PDE4D: variants seen among roughly 807,000 people sequenced by gnomAD.
PDE4D encodes phosphodiesterase 4D.
PDE4D carries 24 observed loss-of-function variants against 87.4 expected under a neutral mutation model. The ratio of observed to expected loss-of-function variants is 0.27; its 90% confidence interval spans 0.20 to 0.39. PDE4D has a LOEUF of 0.39. PDE4D is among the 10% of genes least tolerant of loss of function. PDE4D has a pLI of 1.00. For synonymous variants in PDE4D, 384 were observed against 383.2 expected, an observed-to-expected ratio of 1.00 and a Z score of -0.02; for missense variants, 714 against 1,041.0, an observed-to-expected ratio of 0.69 and a Z score of 4.32.
At chr5:60,244,425 T>G (rs1388554292) in intron 1 of PDE4D, among the ~76,000 whole-genome samples, 1 of 151,960 alleles carries the variant, frequency 6.6e-6, no homozygotes, top group African/African-American at 2.4e-5. Context: ...CTGATGACAT[T>G]CTTTACAGAA....
Position 60,123,330 on chromosome 5 carries a change from C to T in PDE4D, c.42+62227G>A, listed in dbSNP as rs535012636. 3.5e-4 allele frequency among the ~76,000 whole-genome samples: 54 copies of T among 152,204 alleles called. 2 individuals are homozygous for T. In the South Asian group the frequency reaches 8.3e-3, roughly 23 times the overall value. On this transcript the variant is annotated intron_variant, in intron 2 of 16. Coordinates refer to the PDE4D transcript ENST00000502484. ...TTCACATTGCTTATAAAGACATACCCGAGACTGGGAAGAAAAAGTGGTTTA... is the reference window on the plus strand; with the variant it reads ...TTCACATTGCTTATAAAGACATACCTGAGACTGGGAAGAAAAAGTGGTTTA...
intron 1 of PDE4D, among the ~76,000 whole-genome samples, chr5:60,354,182 AG>A (rs1156491138): frequency 6.6e-6 from 1 of 152,156 alleles, no homozygotes; most frequent in African/African-American, 2.4e-5. Context: ...GGGGGAAAGG[AG>A]GTATATTTGA....
chr5:60,361,428 A>C (rs1228896889), intron 1 of PDE4D, among the ~76,000 whole-genome samples: 2 of 152,258 alleles, frequency 1.3e-5, no homozygotes, highest in Non-Finnish European at 2.9e-5. Context: ...ATCAATGGTA[A>C]CTACATGAGG....
chr5:59,356,106 C>T (rs919537329), intron 1 of PDE4D, among the ~76,000 whole-genome samples: 8 of 152,064 alleles, frequency 5.3e-5, no homozygotes, highest in African/African-American at 1.9e-4. Context: ...TTATTAACAC[C>T]TAGAATACTC....
At chr5:59,168,078 C>A (rs1232050650) in intron 5 of PDE4D, among the ~76,000 whole-genome samples, 1 of 151,626 alleles carries the variant, frequency 6.6e-6, no homozygotes, top group Non-Finnish European at 1.5e-5. Flanking sequence ...CACAAAAAAA[C>A]AAAACAAAAC....
rs150939111 is a variant in PDE4D, at chr5:59,720,000, C to A, written c.455+173168G>T. Among the ~76,000 whole-genome samples the A allele has an allele frequency of 3.9e-5, 6 of 152,278 alleles. No homozygotes were observed. The South Asian group carries it at 1.2e-3, about 32-fold the overall frequency. On this transcript the variant is annotated intron_variant, in intron 1 of 14. Transcript: ENST00000340635. ...ATTCTCCCAACCAGCATCCAACATACCAAATCAGTGGTATTCTCACTATCT... is the reference window on the plus strand; with the variant it reads ...ATTCTCCCAACCAGCATCCAACATAACAAATCAGTGGTATTCTCACTATCT...
intron 1 of PDE4D, among the ~76,000 whole-genome samples, chr5:59,427,292 TACACACACACACACACACACACACAC>T (rs60646746): frequency 1.5e-5 from 2 of 132,256 alleles, no homozygotes; most frequent in African/African-American, 2.9e-5. Flanking sequence ...AGTGATTTTA[TACACACACACACACACACACACACAC>T]ACACACACAC....
At chr5:59,561,125 G>C (rs146084270) in intron 1 of PDE4D, among the ~76,000 whole-genome samples, 1 of 152,044 alleles carries the variant, frequency 6.6e-6, no homozygotes, top group Non-Finnish European at 1.5e-5. Flanking sequence ...TCCACTTTTC[G>C]GGGTGGAAGC....
rs1743097604 is a variant in PDE4D at position 59,649,902 on chromosome 5, AACCTTTTTTTTTTT to A, written c.455+243252_455+243265del. ...ATTGTTAAAATGTTGATAGTTTGTG[AACCTTTTTTTTTTT>A]TTTTTTTTTTTTTTTTAGCAATGAC... On this transcript the variant is annotated intron_variant, in intron 1 of 14. Transcript: ENST00000340635. Among the ~76,000 whole-genome samples, 2 of 43,794 alleles carry A rather than the reference AACCTTTTTTTTTTT, an allele frequency of 4.6e-5. 1 individual carries two copies. Among genetic ancestry groups the A allele is most frequent in the Non-Finnish European group, 8.4e-5 (2 of 23,892 alleles). 28.7% of individuals were successfully genotyped at this position (43,794 alleles called of 152,430 possible).
At chr5:59,173,620 G>T (rs1783363243) in intron 5 of PDE4D, among the ~76,000 whole-genome samples, 1 of 152,138 alleles carries the variant, frequency 6.6e-6, no homozygotes, top group African/African-American at 2.4e-5. Flanking sequence ...TGTATCATCA[G>T]CATTTTTCGA....
At chr5:59,317,702 A>G (rs1010473895) in intron 1 of PDE4D, among the ~76,000 whole-genome samples, 3 of 152,158 alleles carry the variant, frequency 2.0e-5, no homozygotes, top group Non-Finnish European at 4.4e-5. Flanking sequence ...CAATGGAGAT[A>G]TGGGTGAGAC....
intron 1 of PDE4D, among the ~76,000 whole-genome samples, chr5:60,512,866 A>T (rs1171387005): frequency 2.0e-5 from 3 of 152,194 alleles, no homozygotes; most frequent in African/African-American, 7.2e-5. Flanking sequence ...ATGTGGGTAT[A>T]TCTAAATAGA....
intron 11 of PDE4D, among the ~76,000 whole-genome samples, chr5:58,984,052 T>A (rs1259467481): frequency 7.2e-6 from 1 of 139,622 alleles, no homozygotes; most frequent in Non-Finnish European, 1.5e-5. Context: ...CTCACTGTTC[T>A]TACAGCTTTA....
chr5:59,499,897 T>C (rs935335276), intron 1 of PDE4D, among the ~76,000 whole-genome samples: 19 of 137,018 alleles, frequency 1.4e-4, no homozygotes, highest in Admixed American at 4.3e-4. Flanking sequence ...AAAAAAAAAA[T>C]CAAGGAGGAG....
chr5:60,431,571 C>T (rs1408600247), intron 1 of PDE4D, among the ~76,000 whole-genome samples: 22 of 150,766 alleles, frequency 1.5e-4, no homozygotes, highest in African/African-American at 4.2e-4. Context: ...CGGGCAGAGA[C>T]GCTCCTCACT....
intron 2 of PDE4D, among the ~76,000 whole-genome samples, chr5:60,095,656 A>G (rs1041003953): frequency 6.6e-6 from 1 of 152,104 alleles, no homozygotes; most frequent in Non-Finnish European, 1.5e-5. Context: ...CTGTCTATCT[A>G]CAAGTTGTCT....
At chr5:59,251,881 T>A (rs78315712) in intron 1 of PDE4D, among the ~76,000 whole-genome samples, 4,394 of 152,180 alleles carry the variant, frequency 0.029, 222 homozygotes, top group African/African-American at 0.098. Context: ...TTAACATGGA[T>A]AGACCTGGAG....
At chr5:60,252,998 T>C (rs1298258110) in intron 1 of PDE4D, among the ~76,000 whole-genome samples, 3 of 151,890 alleles carry the variant, frequency 2.0e-5, no homozygotes, top group African/African-American at 7.2e-5. Context: ...AAGTCAATGC[T>C]TTGAAAGGCC....
intron 1 of PDE4D, among the ~76,000 whole-genome samples, chr5:60,287,426 C>A (rs925698485): frequency 2.0e-5 from 3 of 152,194 alleles, no homozygotes; most frequent in Non-Finnish European, 4.4e-5. Flanking sequence ...CTTGTAAGTA[C>A]GTGTTTCCTC....
Sources: gnomAD v4.1 joint callset for allele counts (sites outside exome capture counted in the v4.1 genomes callset) on GRCh38, gnomAD v4.1.1 for gene constraint, MANE v1.5 for transcripts, NCBI Gene and HGNC (gene_info 2026-07-23, HGNC 2026-07-21) for gene names.